The following ZNF66 variants were observed in gnomAD, a reference collection of about 807,000 sequenced individuals.
ZNF66 encodes the protein putative zinc finger protein 66.
In ZNF66, 32 loss-of-function variants were observed where a neutral mutation model predicts 35.2. The ratio of observed to expected loss-of-function variants is 0.91; its 90% confidence interval spans 0.69 to 1.22. The LOEUF is 1.22. Among genes scored for constraint, ZNF66 ranks in the 50% most tolerant of loss-of-function variants. The probability of loss-of-function intolerance (pLI) is 0.00; values close to 1 mark genes in which losing one functional copy is unlikely to be tolerated. For synonymous variants in ZNF66, 231 were observed against 181.3 expected (o/e 1.27, Z -2.20); for missense variants, 666 against 543.1 (o/e 1.23, Z -2.25).
chr19:20,805,653 A>C (rs762138840), intron 3 of ZNF66, among the ~76,000 whole-genome samples, 174 bp from the exon 4 acceptor site: 7 of 151,856 alleles, frequency 4.6e-5, no homozygotes, highest in Non-Finnish European at 1.0e-4. Flanking sequence ...TTACAAATGT[A>C]TTTTGGGCAG....
intron 3 of ZNF66, chr19:20,794,579 T>C (rs899579991): frequency 6.6e-6 from 1 of 151,598 alleles, no homozygotes; most frequent in African/African-American, 2.4e-5. Flanking sequence ...TTCATTGACA[T>C]AAAATATTTT....
intron 1 of ZNF66, among the ~76,000 whole-genome samples, chr19:20,778,678 G>A (rs942208094): frequency 1.3e-5 from 2 of 151,686 alleles, no homozygotes; most frequent in Non-Finnish European, 2.9e-5. Flanking sequence ...AGCTACTTGG[G>A]AGGCTGAGGA....
At chr19:20,790,958 C>A (rs563774448) in intron 1 of ZNF66, among the ~76,000 whole-genome samples, 3 of 152,266 alleles carry the variant, frequency 2.0e-5, no homozygotes, top group Admixed American at 6.5e-5. Context: ...TATCCCAGAG[C>A]CTTCTCTTCA....
At chr19:20,781,118 A>C (rs1257533184) in intron 1 of ZNF66, among the ~76,000 whole-genome samples, 1 of 152,136 alleles carries the variant, frequency 6.6e-6, no homozygotes, top group Non-Finnish European at 1.5e-5. Flanking sequence ...TCATAATCTC[A>C]TCTGCCTGCA....
At chr19:20,794,923 G>A (rs1050849986) in intron 3 of ZNF66, among the ~76,000 whole-genome samples, 1 of 139,636 alleles carries the variant, frequency 7.2e-6, no homozygotes, top group African/African-American at 2.7e-5. Context: ...CCAGGCTAAA[G>A]TGCAATGGTG....
chr19:20,806,023 A>G lies in ZNF66; in HGVS notation c.423A>G (p.Gln141=), dbSNP rs1971500982. 2.4e-6 allele frequency: 2 copies of G among 826,264 alleles called. No homozygotes were observed. Among genetic ancestry groups the G allele is most frequent in the East Asian group, 2.4e-5 (1 of 41,462 alleles). 51.2% of individuals were successfully genotyped at this position (826,264 alleles called of 1,614,324 possible). ...NGLNQCLTTT[Q]SKMFQCDKHG... ...TTAACCAATGTTTGACAACTACCCA[A>G]AGCAAAATGTTTCAATGTGATAAAC... The change falls in exon 4 of 4, where the codon CAA becomes CAG. Residue 141 remains glutamine (Q), a synonymous_variant. Coordinates refer to ENST00000344519, the MANE Select transcript of ZNF66 (RefSeq NM_001355197.2).
chr19:20,795,584 C>T (rs1199499604), intron 3 of ZNF66, among the ~76,000 whole-genome samples: 1 of 152,070 alleles, frequency 6.6e-6, no homozygotes, highest in Non-Finnish European at 1.5e-5. Flanking sequence ...TCAGGCTGGT[C>T]TTGAACTCCT....
intron 3 of ZNF66, among the ~76,000 whole-genome samples, chr19:20,794,941 G>T (rs1284729690): frequency 7.3e-6 from 1 of 137,234 alleles, no homozygotes; most frequent in Admixed American, 8.0e-5. Context: ...GTGTGATTTT[G>T]ACTCACTGCA....
At position 20,809,018 on chromosome 19, in the gene ZNF66, C is replaced by G. The variant is rs1971558607; in HGVS notation, c.*1696C>G. On this transcript the variant is annotated 3_prime_UTR_variant, in exon 4 of 4. Coordinates refer to ENST00000344519, the MANE Select transcript of ZNF66 (RefSeq NM_001355197.2). The stretch of plus-strand genomic sequence containing the variant: ...GCTGATGGAGCTGAAAGCCAAGGAT[C>G]AAGAACTACGTGAAGAATGCAGAAG... Among the ~76,000 whole-genome samples the G allele has an allele frequency of 6.6e-6, 1 of 152,058 alleles. No individual in the cohort carries two copies. The highest frequency in any genetic ancestry group is 2.4e-5 in the African/African-American group (1 of 41,384).
intron 1 of ZNF66, among the ~76,000 whole-genome samples, chr19:20,783,245 C>G (rs941340270): frequency 1.3e-5 from 2 of 152,082 alleles, no homozygotes; most frequent in African/African-American, 4.8e-5. Flanking sequence ...CTCTCTTCTC[C>G]TTTTTCCCCA....
At chr19:20,782,996 AGT>A (rs754970792) in intron 1 of ZNF66, among the ~76,000 whole-genome samples, 6 of 152,016 alleles carry the variant, frequency 3.9e-5, no homozygotes, top group South Asian at 2.1e-4. Flanking sequence ...TTTACATTTA[AGT>A]GTTTAATTTA....
At position 20,793,332 on chromosome 19, in the gene ZNF66, C is replaced by CT. The variant is rs781748526; in HGVS notation, c.131-435dup. On this transcript the variant is annotated intron_variant, in intron 2 of 3. Coordinates refer to ENST00000344519, the MANE Select transcript of ZNF66 (RefSeq NM_001355197.2). Reference sequence around the variant, plus strand: ...CTTTTCTTTTCTTTTCTTTTCTTTTCTTTTTTTTTTTTTTTTGAGACAGAG... The same window carrying CT: ...CTTTTCTTTTCTTTTCTTTTCTTTTCTTTTTTTTTTTTTTTTTGAGACAGAG... 6.9e-3 allele frequency among the ~76,000 whole-genome samples: 580 copies of CT among 84,580 alleles called. 10 individuals carry two copies. The highest frequency in any genetic ancestry group is 0.021 in the African/African-American group (444 of 21,540). 55.5% of individuals were successfully genotyped at this position (84,580 alleles called of 152,430 possible). A position where few individuals can be genotyped will look rare whatever the true frequency, so the allele number is the denominator to read the frequency against.
In ZNF66 at chr19:20,801,235, A is replaced by T. The variant is rs189459983; in HGVS notation, c.227-4592A>T. Among the ~76,000 whole-genome samples, 437 of 152,282 alleles carry T rather than the reference A, an allele frequency of 2.9e-3. 2 individuals carry two copies. The highest frequency in any genetic ancestry group is 5.2e-3 in the Non-Finnish European group (354 of 68,020). ...TCACCCTATTTGACTCAATGCTAAAATGAGTCTCTTGTAGGGAGCATAGTG... is the reference window on the plus strand; with the variant it reads ...TCACCCTATTTGACTCAATGCTAAATTGAGTCTCTTGTAGGGAGCATAGTG... On this transcript the variant is annotated intron_variant, in intron 3 of 3. Transcript: ENST00000344519.
chr19:20,778,673 C>G (rs908036649), intron 1 of ZNF66, among the ~76,000 whole-genome samples: 9 of 151,170 alleles, frequency 6.0e-5, no homozygotes, highest in Non-Finnish European at 8.8e-5. Flanking sequence ...TTCCCAGCTA[C>G]TTGGGAGGCT....
chr19:20,792,749 TTTCAAGAAAATC>T, intron 2 of ZNF66, 111 bp downstream of exon 2: 4 of 690,886 alleles, frequency 5.8e-6, no homozygotes, highest in Non-Finnish European at 8.9e-6. Flanking sequence ...AGATCCAGTT[TTTCAAGAAAATC>T]TTCAGAATTT....
intron 1 of ZNF66, among the ~76,000 whole-genome samples, chr19:20,787,340 CTT>C (rs1414504608): frequency 6.6e-6 from 1 of 152,066 alleles, no homozygotes; most frequent in African/African-American, 2.4e-5. Flanking sequence ...TATATATAGA[CTT>C]ATCATTTAGA....
intron 3 of ZNF66, among the ~76,000 whole-genome samples, chr19:20,803,610 A>G (rs1306623479): frequency 1.3e-5 from 2 of 152,056 alleles, no homozygotes; most frequent in East Asian, 3.9e-4. Context: ...AACAATTAAA[A>G]ATGTTTTCTG....
At chr19:20,796,824 A>G (rs1403251644) in intron 3 of ZNF66, among the ~76,000 whole-genome samples, 2 of 152,158 alleles carry the variant, frequency 1.3e-5, no homozygotes, top group Non-Finnish European at 2.9e-5. Flanking sequence ...AGTACACACT[A>G]ACAGTTAAAT....
Position 20,809,769 on chromosome 19 carries a change from G to C in ZNF66, c.*2447G>C, listed in dbSNP as rs531049748. Reference sequence around the variant, plus strand: ...CATCGAGACTAGGAAGAAACTGCATGAACTAACGAGCAAAATAACCAGCTA... The same window carrying C: ...CATCGAGACTAGGAAGAAACTGCATCAACTAACGAGCAAAATAACCAGCTA... On this transcript the variant is annotated 3_prime_UTR_variant, in exon 4 of 4. Coordinates refer to ENST00000344519, the MANE Select transcript of ZNF66 (RefSeq NM_001355197.2). 3.3e-5 allele frequency among the ~76,000 whole-genome samples: 5 copies of C among 151,918 alleles called. No individual in the cohort carries two copies. The highest frequency in any genetic ancestry group is 1.2e-4 in the African/African-American group (5 of 41,460).
Sources: gnomAD v4.1 joint callset for allele counts (sites outside exome capture counted in the v4.1 genomes callset) on GRCh38, gnomAD v4.1.1 for gene constraint, MANE v1.5 for transcripts, NCBI Gene and HGNC (gene_info 2026-07-23, HGNC 2026-07-21) for gene names.